NUMBL: variants seen among roughly 807,000 people sequenced by gnomAD.
The protein encoded by NUMBL is numb-like protein.
Under a neutral mutation model 48.9 loss-of-function variants are expected in NUMBL, and 20 were observed. That is an observed-to-expected ratio of 0.41 (90% CI 0.29 to 0.59). NUMBL has a LOEUF of 0.59. NUMBL is among the 20% of genes least tolerant of loss of function. NUMBL has a pLI of 0.31. For synonymous variants in NUMBL, 340 were observed against 348.7 expected (o/e 0.98, Z 0.28); for missense variants, 660 against 846.2 (o/e 0.78, Z 2.73).
At position 40,684,486 on chromosome 19, in the gene NUMBL, C is replaced by T. The variant is rs141059156; in HGVS notation, c.180G>A (p.Ala60=). The T allele has an allele frequency of 4.4e-6, 7 of 1,595,410 alleles. No homozygotes were observed. The highest frequency in any genetic ancestry group is 1.1e-5 in the South Asian group (1 of 88,346). ...CTGCCTGCCACTGGTGCGGGCGCGA[C>T]GCCTCGGGCACGTAGGCTGGCTTCC... ...RRRKPAYVPE[A]SRPHQWQADE... is the part of the protein sequence containing the mutation. The change falls in exon 3 of 10, where the codon GCG becomes GCA. Residue 60 remains alanine (A), a synonymous_variant. Coordinates refer to ENST00000252891, the MANE Select transcript of NUMBL (RefSeq NM_004756.5).
At chr19:40,689,291 G>A (rs1347139414) in intron 1 of NUMBL, among the ~76,000 whole-genome samples, 1 of 152,004 alleles carries the variant, frequency 6.6e-6, no homozygotes, top group African/African-American at 2.4e-5. Flanking sequence ...TCACAACCAT[G>A]CACACCTCCA....
At chr19:40,675,608 CACACACAG>C (rs2081871811) in intron 7 of NUMBL, among the ~76,000 whole-genome samples, 1 of 150,224 alleles carries the variant, frequency 6.7e-6, no homozygotes. Flanking sequence ...CACACACACA[CACACACAG>C]AGTTTTAGAA....
chr19:40,683,383 C>T lies in NUMBL; in HGVS notation c.250-415G>A, dbSNP rs112919250. On this transcript the variant is annotated intron_variant, in intron 3 of 9. Transcript: ENST00000252891. ...ACCTGAGCCCCAGCTCCCTCATCTG[C>T]AGGTGGGATGACTGTTGCCTCGAGT... Among the ~76,000 whole-genome samples the T allele has an allele frequency of 2.8e-3, 433 of 152,378 alleles. 7 individuals are homozygous for T. The highest frequency in any genetic ancestry group is 0.01 in the African/African-American group (424 of 41,588).
rs368669948 is a variant in NUMBL, at chr19:40,680,964, T to C, written c.493A>G (p.Thr165Ala). ...CAGTGGCAGATCCAGCGGCGGGTAGTCCCGTCACGACAGATATAGGAGAAA... is the reference window on the plus strand; with the variant it reads ...CAGTGGCAGATCCAGCGGCGGGTAGCCCCGTCACGACAGATATAGGAGAAA... ...KAFSYICRDG[T>A]TRRWICHCFL... is the part of the protein sequence containing the mutation. Residue 165 changes from threonine (T) to alanine (A), a missense_variant, in exon 6 of 10, where the codon ACT becomes GCT. Physicochemically the swap from Thr to Ala is moderately conservative, Grantham distance 58. This residue lies in a region of NUMBL where 278 missense variants were observed against 420.6 expected (regional missense o/e 0.66). Coordinates refer to ENST00000252891, the MANE Select transcript of NUMBL (RefSeq NM_004756.5). 1 of 1,613,968 alleles carries C rather than the reference T, an allele frequency of 6.2e-7. No individual in the cohort carries two copies. Among genetic ancestry groups the C allele is most frequent in the African/African-American group, 1.3e-5 (1 of 74,892 alleles).
At chr19:40,684,386 C>A (rs1278203589) in intron 3 of NUMBL, 31 bp downstream of exon 3, 2 of 1,536,000 alleles carry the variant, frequency 1.3e-6, no homozygotes, top group Non-Finnish European at 1.7e-6. Context: ...CCGTCCCCCT[C>A]GCCCCGCCGC....
In NUMBL at chr19:40,684,682, G is replaced by A. The variant is rs996213681; in HGVS notation, c.110-126C>T. On this transcript the variant is annotated intron_variant, in intron 2 of 9. Transcript: ENST00000252891. ...AAGATAACTGGAAGCGGGGTTACAG[G>A]GTCAGTTGGCAGCGCACATGGGATC... 3.8e-6 allele frequency: 5 copies of A among 1,331,210 alleles called. No homozygotes were observed. The African/African-American group carries it at 6.0e-5, about 16-fold the overall frequency. 82.5% of individuals were successfully genotyped at this position (1,331,210 alleles called of 1,614,324 possible).
intron 2 of NUMBL, chr19:40,685,906 G>A (rs2081931971): frequency 6.5e-6 from 1 of 153,082 alleles, no homozygotes; most frequent in South Asian, 2.1e-4. Context: ...GTGTGCAGTG[G>A]TGCATCCGTT....
In NUMBL at chr19:40,687,006, A is replaced by G. The variant is rs776844603; in HGVS notation, c.25-11T>C. ...CCTCCGGGGTCCGCCCTGCCCGAGT[A>G]GGGGAGGAGAAGGTGAGAAGTTTGT... On this transcript the variant is annotated splice_polypyrimidine_tract_variant and intron_variant, in intron 1 of 9. Transcript: ENST00000252891. This position sits in a 1 kb window ranked among gnomAD's most constrained non-coding sequence, Gnocchi z 4.6. 24 of 1,479,810 alleles carry G rather than the reference A, an allele frequency of 1.6e-5. No homozygotes were observed. Among genetic ancestry groups the G allele is most frequent in the Middle Eastern group, 1.8e-4 (1 of 5,490 alleles). The allele number at this position is 1,479,810 out of a possible 1,614,324, so 91.7% of individuals were successfully genotyped here.
At position 40,680,927 on chromosome 19, in the gene NUMBL, A is replaced by C; in HGVS notation, c.530T>G (p.Leu177Arg). The C allele has an allele frequency of 6.2e-7, 1 of 1,614,208 alleles. No homozygotes were observed. The highest frequency in any genetic ancestry group is 8.5e-7 in the Non-Finnish European group (1 of 1,180,018). ...TGTGGCAATACTCACGGAGTCCTTCAGTGCCAGAAAACAGTGGCAGATCCA... is the reference window on the plus strand; with the variant it reads ...TGTGGCAATACTCACGGAGTCCTTCCGTGCCAGAAAACAGTGGCAGATCCA... ...RRWICHCFLA[L>R]KDSGERLSHA... The change falls in exon 6 of 10, where the codon CTG (leucine) becomes CGG (arginine). Residue 177 changes from leucine (L) to arginine (R), a missense_variant. By Grantham distance (102) the Leu-to-Arg change is moderately radical (BLOSUM62 -2). This residue lies in a region of NUMBL where 278 missense variants were observed against 420.6 expected (regional missense o/e 0.66). Coordinates refer to ENST00000252891, the MANE Select transcript of NUMBL (RefSeq NM_004756.5).
At chr19:40,670,085 AC>A (rs2081839254) in intron 8 of NUMBL, 65 bp from the exon 9 acceptor site, 13 of 1,545,534 alleles carry the variant, frequency 8.4e-6, no homozygotes, top group African/African-American at 4.2e-5. Context: ...CCCGCCCTCT[AC>A]CCCCCGCCCT....
At chr19:40,672,020 G>A (rs1046421912) in intron 8 of NUMBL, among the ~76,000 whole-genome samples, 2 of 152,112 alleles carry the variant, frequency 1.3e-5, no homozygotes, top group African/African-American at 2.4e-5. Flanking sequence ...ACAGGCATGC[G>A]CCACCACACC....
chr19:40,683,354 G>A (rs1210353924), intron 3 of NUMBL, among the ~76,000 whole-genome samples: 1 of 152,264 alleles, frequency 6.6e-6, no homozygotes, highest in Non-Finnish European at 1.5e-5. Context: ...AAGGGAGTTA[G>A]GGTACCTGAG....
intron 7 of NUMBL, among the ~76,000 whole-genome samples, chr19:40,675,586 C>T (rs2081871644): frequency 6.7e-6 from 1 of 149,438 alleles, no homozygotes; most frequent in South Asian, 2.1e-4. Flanking sequence ...AACACACACA[C>T]ACACACACAC....
intron 9 of NUMBL, 66 bp downstream of exon 9, chr19:40,669,832 C>T: frequency 6.3e-7 from 1 of 1,576,470 alleles, no homozygotes; most frequent in Non-Finnish European, 8.6e-7. Flanking sequence ...CTGGGTAGCC[C>T]TGGATAGAGG....
In NUMBL at chr19:40,684,571, C is replaced by G; in HGVS notation, c.110-15G>C. On this transcript the variant is annotated splice_polypyrimidine_tract_variant and intron_variant, in intron 2 of 9. Transcript: ENST00000252891. Reference sequence around the variant, plus strand: ...GCCCGCCCCGTCTGGTGACACAGGACAGTGATGTGGGTCAAGGGTGGGGGT... The same window carrying G: ...GCCCGCCCCGTCTGGTGACACAGGAGAGTGATGTGGGTCAAGGGTGGGGGT... 6.3e-7 allele frequency: 1 copy of G among 1,594,754 alleles called. No individual in the cohort carries two copies. Among genetic ancestry groups the G allele is most frequent in the East Asian group, 2.3e-5 (1 of 44,182 alleles).
Position 40,682,985 on chromosome 19 carries a change from TGG to T in NUMBL, c.250-19_250-18del. On this transcript the variant is annotated intron_variant, in intron 3 of 9. Transcript: ENST00000252891. This position sits in a 1 kb window ranked among gnomAD's most constrained non-coding sequence, Gnocchi z 4.0. Reference sequence around the variant, plus strand: ...ACCCAGGTACTTGGGTTGGAGGGAATGGGGGGGGGGACATGAAACAGCACAGT... The same window carrying T: ...ACCCAGGTACTTGGGTTGGAGGGAATGGGGGGGGACATGAAACAGCACAGT... 5.5e-6 allele frequency: 8 copies of T among 1,442,396 alleles called. No homozygotes were observed. The highest frequency in any genetic ancestry group is 7.6e-6 in the Non-Finnish European group (8 of 1,049,828). 89.3% of individuals were successfully genotyped at this position (1,442,396 alleles called of 1,614,324 possible). A position where few individuals can be genotyped will look rare whatever the true frequency, so the allele number is the denominator to read the frequency against.
Position 40,688,306 on chromosome 19 carries a change from G to A in NUMBL, c.25-1311C>T, listed in dbSNP as rs888918945. ...TGTGGCCATATAGAATCACAGCCCC[G>A]TGTGGACAGGTGCACAAAGTCACAA... On this transcript the variant is annotated intron_variant, in intron 1 of 9. Transcript: ENST00000252891. The surrounding 1 kb of genome is among the most constrained non-coding windows in gnomAD (Gnocchi z 4.6). 2.6e-5 allele frequency among the ~76,000 whole-genome samples: 4 copies of A among 152,172 alleles called. No homozygotes were observed. Among genetic ancestry groups the A allele is most frequent in the Admixed American group, 6.5e-5 (1 of 15,282 alleles).
chr19:40,679,977 C>G (rs989687190), intron 6 of NUMBL, among the ~76,000 whole-genome samples: 4 of 151,406 alleles, frequency 2.6e-5, no homozygotes, highest in African/African-American at 9.7e-5. Context: ...TGAATTTCAC[C>G]TCAAGAAAAA....
chr19:40,667,676 G>A lies in NUMBL; in HGVS notation c.1622C>T (p.Pro541Leu), dbSNP rs746388730. 41 of 1,569,642 alleles carry A rather than the reference G, an allele frequency of 2.6e-5. No homozygotes were observed. The highest frequency in any genetic ancestry group is 7.0e-5 in the South Asian group (6 of 85,752). The part of the protein sequence containing the change: ...ATLLGKAGAF[P>L]PPAIPSAPGS... ...AGGGGCACTGGGTATGGCAGGGGGCGGGAAGGCCCCAGCTTTCCCAAGCAG... is the reference window on the plus strand; with the variant it reads ...AGGGGCACTGGGTATGGCAGGGGGCAGGAAGGCCCCAGCTTTCCCAAGCAG... Residue 541 changes from proline (P) to leucine (L), a missense_variant, in exon 10 of 10, where the codon CCG (proline) becomes CTG (leucine). Pro to Leu is a moderately conservative substitution (Grantham distance 98). Transcript: ENST00000252891. The surrounding 1 kb of genome is among the most constrained non-coding windows in gnomAD (Gnocchi z 6.1).
Sources: allele counts gnomAD v4.1 joint callset (sites outside exome capture counted in the v4.1 genomes callset), GRCh38; gene constraint gnomAD v4.1.1; regional missense constraint gnomAD v4.1.1; non-coding constraint Gnocchi (gnomAD v3.1); transcripts MANE v1.5; gene names NCBI Gene and HGNC (gene_info 2026-07-23, HGNC 2026-07-21).